Variants in TECRL observed in about 807,000 individuals in gnomAD.
The protein encoded by TECRL is trans-2,3-enoyl-CoA reductase like, also known as trans-2,3-enoyl-CoA reductase-like.
TECRL carries 63 observed loss-of-function variants against 52.8 expected under a neutral mutation model. That is an observed-to-expected ratio of 1.19 (90% confidence interval 0.97 to 1.47). TECRL has a LOEUF of 1.47. TECRL is among the 40% of genes most tolerant of loss of function. The pLI is 0.00. For missense variants in TECRL, 482 were observed against 429.6 expected, an observed-to-expected ratio of 1.12 and a Z score of -1.08; for synonymous variants, 164 against 141.9, an observed-to-expected ratio of 1.16 and a Z score of -1.10.
chr4:64,368,456 C>T (rs4386631), intron 2 of TECRL, among the ~76,000 whole-genome samples: 98,780 of 151,730 alleles, frequency 0.65, 33,723 homozygotes, highest in Non-Finnish European at 0.75. Flanking sequence ...CCACCACACC[C>T]AGCTAATTTT....
intron 6 of TECRL, among the ~76,000 whole-genome samples, chr4:64,308,722 C>A (rs917713133): frequency 1.3e-5 from 2 of 152,080 alleles, no homozygotes; most frequent in African/African-American, 4.8e-5. Flanking sequence ...TAAACTAAGG[C>A]ATAAGGAGAT....
intron 4 of TECRL, among the ~76,000 whole-genome samples, chr4:64,315,786 A>G (rs779600990): frequency 3.3e-5 from 5 of 152,134 alleles, no homozygotes; most frequent in Non-Finnish European, 5.9e-5. Context: ...AGTTTTATAT[A>G]CATACATAAT....
At chr4:64,342,006 G>A (rs995515602) in intron 2 of TECRL, among the ~76,000 whole-genome samples, 8 of 152,126 alleles carry the variant, frequency 5.3e-5, no homozygotes, top group Non-Finnish European at 1.0e-4. Flanking sequence ...CCAGTAGCAT[G>A]AGCTCAGTGC....
At chr4:64,299,083 G>A (rs1481572833) in intron 8 of TECRL, 2 of 151,040 alleles carry the variant, frequency 1.3e-5, no homozygotes, top group Admixed American at 6.6e-5. Flanking sequence ...GTTCTTGCTA[G>A]GCCAAACTAT....
At chr4:64,357,578 A>T (rs1432234012) in intron 2 of TECRL, among the ~76,000 whole-genome samples, 1 of 147,190 alleles carries the variant, frequency 6.8e-6, no homozygotes, top group Non-Finnish European at 1.5e-5. Context: ...ATTCATTAAC[A>T]ATTATAATAA....
intron 1 of TECRL, among the ~76,000 whole-genome samples, chr4:64,396,795 T>G (rs773448035): frequency 1.3e-5 from 2 of 152,180 alleles, no homozygotes; most frequent in Non-Finnish European, 2.9e-5. Flanking sequence ...AGGTTTCACA[T>G]TTGAGTCTTT....
intron 8 of TECRL, among the ~76,000 whole-genome samples, chr4:64,290,344 C>A (rs1257164524): frequency 6.6e-6 from 1 of 152,134 alleles, no homozygotes; most frequent in African/African-American, 2.4e-5. Context: ...GGCTTACCAC[C>A]ATCGCCTGAG....
chr4:64,336,891 G>C (rs192019596), intron 2 of TECRL, among the ~76,000 whole-genome samples: 2 of 152,126 alleles, frequency 1.3e-5, no homozygotes, highest in Non-Finnish European at 2.9e-5. Flanking sequence ...TATAATTTCT[G>C]TTCTTTTACA....
intron 4 of TECRL, among the ~76,000 whole-genome samples, chr4:64,315,858 T>A (rs1044382162): frequency 6.6e-6 from 1 of 152,082 alleles, no homozygotes; most frequent in Admixed American, 6.5e-5. Flanking sequence ...AATTCTGTCT[T>A]TTAGAAATAT....
intron 1 of TECRL, among the ~76,000 whole-genome samples, chr4:64,379,341 A>G (rs1722623069): frequency 6.6e-6 from 1 of 151,578 alleles, no homozygotes; most frequent in Non-Finnish European, 1.5e-5. Context: ...ATATTTTAAA[A>G]CAATTTTTAT....
chr4:64,386,612 G>T (rs2109730920), intron 1 of TECRL, among the ~76,000 whole-genome samples: 1 of 152,126 alleles, frequency 6.6e-6, no homozygotes. Flanking sequence ...ATCCTTCATT[G>T]TCTTTTAAGC....
At chr4:64,307,357 G>T (rs759913623) in intron 6 of TECRL, among the ~76,000 whole-genome samples, 1 of 152,184 alleles carries the variant, frequency 6.6e-6, no homozygotes, top group Non-Finnish European at 1.5e-5. Flanking sequence ...GAGCTGGGGT[G>T]CAGCATAGGT....
At chr4:64,285,157 A>G (rs1723019311) in intron 9 of TECRL, among the ~76,000 whole-genome samples, 1 of 152,104 alleles carries the variant, frequency 6.6e-6, no homozygotes, top group South Asian at 2.1e-4. Flanking sequence ...TTCAACTGTC[A>G]TACCCTCTGA....
At chr4:64,371,921 C>T (rs183964171) in intron 2 of TECRL, among the ~76,000 whole-genome samples, 190 of 151,566 alleles carry the variant, frequency 1.3e-3, no homozygotes, top group Non-Finnish European at 2.1e-3. Context: ...AATTGGGTGA[C>T]GATAGAAATA....
chr4:64,297,374 A>G (rs1374154857), intron 8 of TECRL, among the ~76,000 whole-genome samples: 1 of 151,264 alleles, frequency 6.6e-6, no homozygotes, highest in Non-Finnish European at 1.5e-5. Context: ...TACTTTCTTC[A>G]TCTTATATTA....
At chr4:64,383,965 T>C (rs1321323910) in intron 1 of TECRL, among the ~76,000 whole-genome samples, 1 of 152,120 alleles carries the variant, frequency 6.6e-6, no homozygotes, top group East Asian at 1.9e-4. Context: ...GGGTGCAGTA[T>C]TGTAGTCTCT....
At chr4:64,323,837 A>G (rs1055439987) in intron 3 of TECRL, among the ~76,000 whole-genome samples, 9 of 152,200 alleles carry the variant, frequency 5.9e-5, no homozygotes, top group Admixed American at 2.0e-4. Flanking sequence ...CATGAAGAAG[A>G]CTACAGAAAA....
intron 2 of TECRL, among the ~76,000 whole-genome samples, chr4:64,334,460 A>T (rs992357039): frequency 5.3e-5 from 8 of 152,178 alleles, no homozygotes; most frequent in Non-Finnish European, 1.2e-4. Context: ...GAGATGTATG[A>T]TAGTGTTTAT....
chr4:64,408,901 C>T (rs1724908183), intron 1 of TECRL, among the ~76,000 whole-genome samples: 2 of 152,018 alleles, frequency 1.3e-5, no homozygotes, highest in Non-Finnish European at 2.9e-5. Flanking sequence ...TTATTATCTA[C>T]CATTTAATTA....
Sources: gnomAD v4.1 joint callset for allele counts (sites outside exome capture counted in the v4.1 genomes callset) on GRCh38, gnomAD v4.1.1 for gene constraint, MANE v1.5 for transcripts, NCBI Gene and HGNC (gene_info 2026-07-23, HGNC 2026-07-21) for gene names.